The following NTNG1 variants were observed in gnomAD, a reference collection of about 807,000 sequenced individuals.
NTNG1 encodes netrin G1.
In NTNG1, 16 loss-of-function variants were observed where a neutral mutation model predicts 54.0. The ratio of observed to expected loss-of-function variants is 0.30; its 90% CI spans 0.20 to 0.45. The LOEUF (loss-of-function observed/expected upper bound fraction) is 0.45, where lower values mean the gene tolerates loss of function less well. Among genes scored for constraint, NTNG1 ranks in the 20% least tolerant of loss-of-function variants. NTNG1 has a pLI of 1.00. For missense variants in NTNG1, 530 were observed against 678.7 expected, an observed-to-expected ratio of 0.78 and a Z score of 2.43; for synonymous variants, 255 against 263.1, an observed-to-expected ratio of 0.97 and a Z score of 0.30.
At chr1:107,163,539 G>A (rs550429414) in intron 2 of NTNG1, among the ~76,000 whole-genome samples, 3 of 152,270 alleles carry the variant, frequency 2.0e-5, no homozygotes, top group African/African-American at 7.2e-5. Context: ...TTTCCTGGAT[G>A]TTACTAATGG....
At chr1:107,478,903 T>C (rs1678512997) in intron 7 of NTNG1, among the ~76,000 whole-genome samples, 1 of 152,268 alleles carries the variant, frequency 6.6e-6, no homozygotes, top group Non-Finnish European at 1.5e-5. Context: ...GGACTTTGCT[T>C]CACAGCTACA....
chr1:107,223,375 G>C (rs1390677498), intron 2 of NTNG1, among the ~76,000 whole-genome samples: 1 of 152,058 alleles, frequency 6.6e-6, no homozygotes, highest in Admixed American at 6.6e-5. Context: ...GAGCGAGTGA[G>C]AAATGAAAGA....
chr1:107,354,610 G>A (rs1015991363), intron 3 of NTNG1, among the ~76,000 whole-genome samples: 2 of 152,082 alleles, frequency 1.3e-5, no homozygotes, highest in Admixed American at 1.3e-4. Flanking sequence ...TCAGCTACAT[G>A]GGGATCATCA....
chr1:107,166,043 G>T (rs1008500834), intron 2 of NTNG1, among the ~76,000 whole-genome samples: 1 of 152,160 alleles, frequency 6.6e-6, no homozygotes, highest in Non-Finnish European at 1.5e-5. Context: ...GCTTTATAAA[G>T]TCAATAATTA....
At chr1:107,462,182 G>C (rs904093554) in intron 7 of NTNG1, among the ~76,000 whole-genome samples, 2 of 152,194 alleles carry the variant, frequency 1.3e-5, no homozygotes, top group Non-Finnish European at 2.9e-5. Flanking sequence ...TGGATGCCTT[G>C]TAATAATGGT....
chr1:107,378,337 T>A (rs929807528), intron 3 of NTNG1, among the ~76,000 whole-genome samples: 7 of 152,164 alleles, frequency 4.6e-5, no homozygotes, highest in Admixed American at 1.3e-4. Flanking sequence ...GAAGAAGATA[T>A]ATCCAGAGAC....
intron 2 of NTNG1, among the ~76,000 whole-genome samples, chr1:107,236,661 T>C (rs754048896): frequency 2.0e-5 from 3 of 152,198 alleles, no homozygotes; most frequent in Non-Finnish European, 4.4e-5. Flanking sequence ...TGGGAGGTAA[T>C]TGACTCATGT....
chr1:107,151,286 G>C (rs963115790), intron 2 of NTNG1, among the ~76,000 whole-genome samples: 5 of 152,144 alleles, frequency 3.3e-5, no homozygotes, highest in Non-Finnish European at 5.9e-5. Context: ...AAACTCTTTA[G>C]CATAAGGATT....
intron 1 of NTNG1, among the ~76,000 whole-genome samples, chr1:107,144,684 G>A (rs1653979814): frequency 6.6e-6 from 1 of 151,960 alleles, no homozygotes; most frequent in Non-Finnish European, 1.5e-5. Flanking sequence ...TACATGTTTT[G>A]TGTGTGCAAA....
At chr1:107,448,909 A>G (rs1221191879) in intron 7 of NTNG1, among the ~76,000 whole-genome samples, 1 of 152,132 alleles carries the variant, frequency 6.6e-6, no homozygotes, top group Non-Finnish European at 1.5e-5. Flanking sequence ...ATATTTTAAT[A>G]TAGTATATTG....
chr1:107,480,359 G>C (rs1462489591), intron 7 of NTNG1, among the ~76,000 whole-genome samples: 1 of 151,974 alleles, frequency 6.6e-6, no homozygotes, highest in Admixed American at 6.6e-5. Context: ...AGCCTGAAAT[G>C]GACAATGATA....
At chr1:107,267,334 T>TG (rs1663817346) in intron 2 of NTNG1, among the ~76,000 whole-genome samples, 1 of 152,180 alleles carries the variant, frequency 6.6e-6, no homozygotes, top group East Asian at 1.9e-4. Flanking sequence ...GGAAGAATAC[T>TG]GGGGAGCTAA....
chr1:107,417,096 C>A (rs1490361868), intron 5 of NTNG1, among the ~76,000 whole-genome samples: 1 of 152,042 alleles, frequency 6.6e-6, no homozygotes, highest in Admixed American at 6.6e-5. Context: ...ATCTACCCAT[C>A]ATCAAAATGC....
chr1:107,382,591 T>C (rs1394176714), intron 3 of NTNG1, among the ~76,000 whole-genome samples: 1 of 152,204 alleles, frequency 6.6e-6, no homozygotes, highest in Non-Finnish European at 1.5e-5. Flanking sequence ...TCCTATCTGT[T>C]GTATCATTTC....
chr1:107,424,972 A>G (rs1259114904), intron 5 of NTNG1, among the ~76,000 whole-genome samples: 1 of 152,104 alleles, frequency 6.6e-6, no homozygotes, highest in Non-Finnish European at 1.5e-5. Flanking sequence ...AAAGCAAAAG[A>G]GAGAAAAAAG....
At chr1:107,285,325 C>T (rs1188019503) in intron 2 of NTNG1, among the ~76,000 whole-genome samples, 2 of 152,108 alleles carry the variant, frequency 1.3e-5, no homozygotes, top group African/African-American at 4.8e-5. Context: ...TACATGGTTA[C>T]TGATGATGAA....
chr1:107,165,095 A>AGTGACTCAGGATGGAGCAAGTGACCAGGG (rs1655688523), intron 2 of NTNG1, among the ~76,000 whole-genome samples: 2 of 152,136 alleles, frequency 1.3e-5, no homozygotes, highest in Non-Finnish European at 2.9e-5. Flanking sequence ...GGTGACCAGG[A>AGTGACTCAGGATGGAGCAAGTGACCAGGG]GTGACTCAGG....
intron 3 of NTNG1, among the ~76,000 whole-genome samples, chr1:107,383,834 T>A (rs1399448883): frequency 6.6e-6 from 1 of 152,234 alleles, no homozygotes; most frequent in African/African-American, 2.4e-5. Flanking sequence ...TACCCTAAAC[T>A]TTCTGTTTCC....
chr1:107,150,976 T>C (rs1264493547), intron 2 of NTNG1, among the ~76,000 whole-genome samples: 1 of 152,188 alleles, frequency 6.6e-6, no homozygotes, highest in South Asian at 2.1e-4. Context: ...CACATGAAAC[T>C]CCGTAGGACA....
Sources: gnomAD v4.1 joint callset for allele counts (sites outside exome capture counted in the v4.1 genomes callset) on GRCh38, gnomAD v4.1.1 for gene constraint, MANE v1.5 for transcripts, NCBI Gene and HGNC (gene_info 2026-07-23, HGNC 2026-07-21) for gene names.